The following LMX1A variants were observed in gnomAD, a reference collection of about 807,000 sequenced individuals.
LMX1A encodes LIM homeobox transcription factor 1 alpha.
LMX1A carries 15 observed loss-of-function variants against 49.1 expected under a neutral mutation model. The observed-to-expected ratio is 0.31, with a 90% CI of 0.20 to 0.47. LMX1A has a LOEUF of 0.47. Among genes scored for constraint, LMX1A ranks in the 20% least tolerant of loss-of-function variants. LMX1A has a pLI of 1.00. For synonymous variants in LMX1A, 167 were observed against 185.7 expected, an observed-to-expected ratio of 0.90 and a Z score of 0.82; for missense variants, 372 against 475.8, an observed-to-expected ratio of 0.78 and a Z score of 2.03.
At position 165,301,316 on chromosome 1, in the gene LMX1A, T is replaced by G. The variant is rs77678918; in HGVS notation, c.264-51676A>C. 7.4e-4 allele frequency among the ~76,000 whole-genome samples: 112 copies of G among 152,268 alleles called. 3 individuals are homozygous for G. In the East Asian group the frequency reaches 0.021, roughly 29 times the overall value. On this transcript the variant is annotated intron_variant, in intron 3 of 8. Transcript: ENST00000342310. ...ACCTGATTGCAGAGCCCCCCATCGCTGCACAACGTTTGGCTTACACCAAAA... is the reference window on the plus strand; with the variant it reads ...ACCTGATTGCAGAGCCCCCCATCGCGGCACAACGTTTGGCTTACACCAAAA...
chr1:165,251,098 T>TC (rs1653046358), intron 3 of LMX1A, among the ~76,000 whole-genome samples: 2 of 145,870 alleles, frequency 1.4e-5, no homozygotes, highest in Admixed American at 1.4e-4. Context: ...TTTTTTTTTT[T>TC]CTGAGACAGA....
chr1:165,352,766 G>C (rs535351391), intron 3 of LMX1A, among the ~76,000 whole-genome samples: 1 of 152,380 alleles, frequency 6.6e-6, no homozygotes, highest in East Asian at 1.9e-4. Flanking sequence ...CTAACAAAGA[G>C]TGGCCTCTGG....
intron 3 of LMX1A, among the ~76,000 whole-genome samples, chr1:165,302,460 T>C (rs1161781923): frequency 9.9e-5 from 15 of 150,920 alleles, no homozygotes; most frequent in Non-Finnish European, 8.9e-5. Context: ...TAAAATAAAA[T>C]AAAGGAAAAA....
intron 3 of LMX1A, among the ~76,000 whole-genome samples, chr1:165,267,122 A>G (rs1653651468): frequency 6.6e-6 from 1 of 152,140 alleles, no homozygotes; most frequent in African/African-American, 2.4e-5. Flanking sequence ...ATCATTTCCA[A>G]ATAAAACCCT....
rs375965709 is a variant in LMX1A, at chr1:165,355,564, G to C, written c.-5C>G. On this transcript the variant is annotated 5_prime_UTR_variant, in exon 2 of 9. Transcript: ENST00000342310. The surrounding 1 kb of genome is among the most constrained non-coding windows in gnomAD (Gnocchi z 4.7). ...CATCTTTAGGCCGTCCAGCATGTTC[G>C]GGCCGGGCCGGGAGGACCTGTAGAG... The C allele has an allele frequency of 1.2e-6, 2 of 1,613,372 alleles. No individual in the cohort carries two copies. The highest frequency in any genetic ancestry group is 1.7e-5 in the Admixed American group (1 of 59,940).
intron 3 of LMX1A, among the ~76,000 whole-genome samples, chr1:165,272,661 C>A (rs1324939783): frequency 6.6e-6 from 1 of 152,192 alleles, no homozygotes; most frequent in Admixed American, 6.5e-5. Context: ...CTGAAGTCAG[C>A]TGGCTGTGTT....
intron 3 of LMX1A, among the ~76,000 whole-genome samples, chr1:165,335,367 T>G (rs1010922336): frequency 3.3e-5 from 5 of 152,206 alleles, no homozygotes; most frequent in Non-Finnish European, 7.4e-5. Flanking sequence ...AATGTGAGTG[T>G]ATGTCCATTC....
At chr1:165,236,857 T>G (rs1349508395) in intron 4 of LMX1A, among the ~76,000 whole-genome samples, 1 of 151,738 alleles carries the variant, frequency 6.6e-6, no homozygotes. Flanking sequence ...TCAAAGTTTT[T>G]TTTTTTTTTT....
intron 3 of LMX1A, among the ~76,000 whole-genome samples, chr1:165,334,184 C>T (rs568431935): frequency 6.6e-6 from 1 of 152,090 alleles, no homozygotes; most frequent in African/African-American, 2.4e-5. Context: ...CTTGAGACTG[C>T]CGACTGACCC....
intron 3 of LMX1A, among the ~76,000 whole-genome samples, chr1:165,306,437 T>C (rs574145097): frequency 6.6e-6 from 1 of 152,178 alleles, no homozygotes; most frequent in Non-Finnish European, 1.5e-5. Flanking sequence ...GAACAATACC[T>C]GGACCCCGCC....
chr1:165,274,903 G>T (rs529792367), intron 3 of LMX1A, among the ~76,000 whole-genome samples: 37 of 152,260 alleles, frequency 2.4e-4, no homozygotes, highest in African/African-American at 8.2e-4. Context: ...TAGTTGAGAG[G>T]ATTAAATACA....
chr1:165,303,635 C>T (rs1891932), intron 3 of LMX1A, among the ~76,000 whole-genome samples: 132,454 of 152,088 alleles, frequency 0.87, 57,744 homozygotes, highest in Middle Eastern at 0.91. Context: ...AGTCAGTTAT[C>T]CTTCACTCAG....
intron 3 of LMX1A, among the ~76,000 whole-genome samples, chr1:165,260,550 T>C (rs946367506): frequency 3.3e-5 from 5 of 152,184 alleles, no homozygotes; most frequent in Non-Finnish European, 5.9e-5. Context: ...AGCCATAGTG[T>C]CACAGCTGAA....
At chr1:165,329,677 A>G (rs1247188529) in intron 3 of LMX1A, among the ~76,000 whole-genome samples, 1 of 152,090 alleles carries the variant, frequency 6.6e-6, no homozygotes, top group African/African-American at 2.4e-5. Flanking sequence ...AGAGGTTAAA[A>G]AAATCAGAGG....
Position 165,355,296 on chromosome 1 carries a change from CT to C in LMX1A, c.76+187del, listed in dbSNP as rs1453425952. ...GCCCAGTGCGTGAGGCCTGGGGCGGCTTGTTGGATTTATTTGGGTAGGGACG... is the reference window on the plus strand; with the variant it reads ...GCCCAGTGCGTGAGGCCTGGGGCGGCTGTTGGATTTATTTGGGTAGGGACG... On this transcript the variant is annotated intron_variant, in intron 2 of 8. Coordinates refer to ENST00000342310, the MANE Select transcript of LMX1A (RefSeq NM_177398.4). The surrounding 1 kb of genome is among the most constrained non-coding windows in gnomAD (Gnocchi z 4.7). Among the ~76,000 whole-genome samples the C allele has an allele frequency of 1.3e-5, 2 of 152,012 alleles. No homozygotes were observed. Among genetic ancestry groups the C allele is most frequent in the African/African-American group, 4.8e-5 (2 of 41,398 alleles).
chr1:165,263,619 C>T lies in LMX1A; in HGVS notation c.264-13979G>A, dbSNP rs545670078. Among the ~76,000 whole-genome samples the T allele has an allele frequency of 1.3e-4, 20 of 152,354 alleles. No individual in the cohort carries two copies. In the East Asian group the frequency reaches 3.5e-3, roughly 26 times the overall value. ...ACTTCCTCAATGGACCACTTGCTTC[C>T]TCTTGTCACCTGCTATGCTGATCTT... On this transcript the variant is annotated intron_variant, in intron 3 of 8. Coordinates refer to ENST00000342310, the MANE Select transcript of LMX1A (RefSeq NM_177398.4).
chr1:165,310,626 G>A (rs563627442), intron 3 of LMX1A, among the ~76,000 whole-genome samples: 3 of 152,200 alleles, frequency 2.0e-5, no homozygotes, highest in Non-Finnish European at 4.4e-5. Flanking sequence ...AGATGCAGAT[G>A]TTGCCTAGGC....
intron 4 of LMX1A, among the ~76,000 whole-genome samples, chr1:165,226,047 T>C (rs1652023473): frequency 6.6e-6 from 1 of 152,064 alleles, no homozygotes; most frequent in Non-Finnish European, 1.5e-5. Flanking sequence ...CATCTTTTCC[T>C]CTTTAAAAAT....
At chr1:165,345,086 G>T (rs921464503) in intron 3 of LMX1A, among the ~76,000 whole-genome samples, 1 of 152,216 alleles carries the variant, frequency 6.6e-6, no homozygotes, top group African/African-American at 2.4e-5. Context: ...AATATGGTTT[G>T]GGGGGATAGT....
Sources: allele counts gnomAD v4.1 joint callset (sites outside exome capture counted in the v4.1 genomes callset), GRCh38; gene constraint gnomAD v4.1.1; non-coding constraint Gnocchi (gnomAD v3.1); transcripts MANE v1.5; gene names NCBI Gene and HGNC (gene_info 2026-07-23, HGNC 2026-07-21).